UNC5B: variants seen among roughly 807,000 people sequenced by gnomAD.
UNC5B encodes the protein unc-5 netrin receptor B, also known as netrin receptor UNC5B.
A neutral mutation model predicts 103.7 loss-of-function variants in UNC5B; 56 were observed. That is an observed-to-expected ratio of 0.54 (90% CI 0.44 to 0.67). The LOEUF (loss-of-function observed/expected upper bound fraction) is 0.67. Ranked by LOEUF, UNC5B falls within the 30% of genes least tolerant of loss-of-function variation. UNC5B has a pLI of 0.00. For missense variants in UNC5B, 1,194 were observed against 1,284.5 expected (o/e 0.93, Z 1.08); for synonymous variants, 577 against 542.0 (o/e 1.06, Z -0.90).
chr10:71,229,443 G>C (rs1011594010), intron 1 of UNC5B, among the ~76,000 whole-genome samples: 2 of 152,212 alleles, frequency 1.3e-5, no homozygotes, highest in African/African-American at 4.8e-5. Flanking sequence ...ACCCTTGACA[G>C]TGTCCTCCTC....
At chr10:71,263,961 T>C (rs984623920) in intron 1 of UNC5B, among the ~76,000 whole-genome samples, 2 of 152,190 alleles carry the variant, frequency 1.3e-5, no homozygotes, top group African/African-American at 4.8e-5. Context: ...ACCAGTGATA[T>C]TGATGTACTC....
chr10:71,244,424 C>T (rs1262231428), intron 1 of UNC5B, among the ~76,000 whole-genome samples: 4 of 152,246 alleles, frequency 2.6e-5, no homozygotes, highest in African/African-American at 7.2e-5. Context: ...TTGCCTGGCA[C>T]TGCAGAAGGT....
At chr10:71,241,309 C>G (rs878719) in intron 1 of UNC5B, among the ~76,000 whole-genome samples, 32,342 of 152,070 alleles carry the variant, frequency 0.21, 3,894 homozygotes, top group Non-Finnish European at 0.28. Flanking sequence ...AAGGCCCCCC[C>G]AGAGAGTCTG....
At chr10:71,269,143 T>C (rs1046872025) in intron 1 of UNC5B, among the ~76,000 whole-genome samples, 5 of 152,048 alleles carry the variant, frequency 3.3e-5, no homozygotes, top group Non-Finnish European at 7.4e-5. Context: ...TGAGACCAGA[T>C]TTAGGTAACT....
intron 1 of UNC5B, chr10:71,217,808 G>C (rs1307194010): frequency 6.6e-6 from 1 of 151,900 alleles, no homozygotes; most frequent in African/African-American, 2.4e-5. Flanking sequence ...CGCCGCTTGT[G>C]GGGCTGGATT....
At chr10:71,218,581 A>C (rs1246005887) in intron 1 of UNC5B, among the ~76,000 whole-genome samples, 1 of 152,230 alleles carries the variant, frequency 6.6e-6, no homozygotes, top group Non-Finnish European at 1.5e-5. Context: ...GCCTGCCTGC[A>C]GGTGGGTCCT....
chr10:71,223,332 G>T (rs796372992), intron 1 of UNC5B, among the ~76,000 whole-genome samples: 6 of 152,328 alleles, frequency 3.9e-5, no homozygotes, highest in African/African-American at 1.4e-4. Flanking sequence ...CTGTGATTTT[G>T]TCCCAGCTGT....
intron 1 of UNC5B, among the ~76,000 whole-genome samples, chr10:71,221,301 C>G (rs1201903190): frequency 6.6e-6 from 1 of 152,216 alleles, no homozygotes; most frequent in Non-Finnish European, 1.5e-5. Context: ...GCAGCCTGGG[C>G]ATGTGCGAGA....
At chr10:71,269,351 C>CCCT (rs1411845347) in intron 1 of UNC5B, among the ~76,000 whole-genome samples, 1 of 145,712 alleles carries the variant, frequency 6.9e-6, no homozygotes, top group Non-Finnish European at 1.5e-5. Context: ...AGTCCCCCCC[C>CCCT]CACAACTTCT....
intron 2 of UNC5B, among the ~76,000 whole-genome samples, chr10:71,280,795 G>C (rs1174053397): frequency 1.3e-5 from 2 of 152,228 alleles, no homozygotes. Context: ...TGATAGTGCA[G>C]GAGCCCTCGG....
chr10:71,295,665 C>T, intron 13 of UNC5B, 146 bp from the exon 14 acceptor site: 1 of 895,900 alleles, frequency 1.1e-6, no homozygotes, highest in Non-Finnish European at 1.7e-6. Context: ...TATTCATCTT[C>T]TCACACCATA....
chr10:71,232,053 A>C (rs1465954271), intron 1 of UNC5B, among the ~76,000 whole-genome samples: 2 of 152,190 alleles, frequency 1.3e-5, no homozygotes, highest in Non-Finnish European at 2.9e-5. Flanking sequence ...TCAAATGGGG[A>C]AACCTCCTTG....
chr10:71,260,137 C>T (rs935566081), intron 1 of UNC5B, among the ~76,000 whole-genome samples: 1 of 152,342 alleles, frequency 6.6e-6, no homozygotes. Context: ...GGGTGGCCAC[C>T]GCTCTGGCCA....
At chr10:71,272,670 T>C (rs1479101925) in intron 1 of UNC5B, among the ~76,000 whole-genome samples, 1 of 152,226 alleles carries the variant, frequency 6.6e-6, no homozygotes, top group African/African-American at 2.4e-5. Context: ...TGTGTGGTGT[T>C]GCATTAGTCA....
rs889318041 is a variant in UNC5B, at chr10:71,287,392, A to G, written c.734-206A>G. On this transcript the variant is annotated intron_variant, in intron 5 of 16. Coordinates refer to ENST00000335350, the MANE Select transcript of UNC5B (RefSeq NM_170744.5). ...CGTCTTACAATGAGGTGGGGCATAGACAGTGACTTCCCGGATCCCCTCTGG... is the reference window on the plus strand; with the variant it reads ...CGTCTTACAATGAGGTGGGGCATAGGCAGTGACTTCCCGGATCCCCTCTGG... Among the ~76,000 whole-genome samples the G allele has an allele frequency of 1.5e-4, 23 of 152,282 alleles. 1 individual carries two copies. Among genetic ancestry groups the G allele is most frequent in the Admixed American group, 1.1e-3 (17 of 15,302 alleles).
chr10:71,216,745 A>G (rs1291854060), intron 1 of UNC5B, among the ~76,000 whole-genome samples: 1 of 152,108 alleles, frequency 6.6e-6, no homozygotes, highest in East Asian at 1.9e-4. Flanking sequence ...TCTGCCTCCT[A>G]CGCCCCATTC....
chr10:71,233,914 T>A (rs954279122), intron 1 of UNC5B, among the ~76,000 whole-genome samples: 1 of 152,218 alleles, frequency 6.6e-6, no homozygotes, highest in African/African-American at 2.4e-5. Context: ...GCCAGGAGAT[T>A]AGAAACAGGG....
chr10:71,223,059 C>T (rs1486084326), intron 1 of UNC5B, among the ~76,000 whole-genome samples: 2 of 152,166 alleles, frequency 1.3e-5, no homozygotes, highest in African/African-American at 4.8e-5. Context: ...GGGAGTCTGT[C>T]GGATGGGGCA....
At chr10:71,230,231 G>T (rs1323021353) in intron 1 of UNC5B, among the ~76,000 whole-genome samples, 1 of 152,222 alleles carries the variant, frequency 6.6e-6, no homozygotes, top group South Asian at 2.1e-4. Flanking sequence ...GAACCTGAGG[G>T]CCCTCACTCT....
Sources: gnomAD v4.1 joint callset for allele counts (sites outside exome capture counted in the v4.1 genomes callset) on GRCh38, gnomAD v4.1.1 for gene constraint, MANE v1.5 for transcripts, NCBI Gene and HGNC (gene_info 2026-07-23, HGNC 2026-07-21) for gene names.